The following PPP1R9A variants were observed in gnomAD, a reference collection of about 807,000 sequenced individuals.
PPP1R9A encodes the protein neurabin-1.
PPP1R9A carries 59 observed loss-of-function variants against 141.9 expected under a neutral mutation model. That is an observed-to-expected ratio of 0.42 (90% CI 0.34 to 0.52). The LOEUF (loss-of-function observed/expected upper bound fraction) is 0.52, where lower values mean the gene tolerates loss of function less well. Ranked by LOEUF, PPP1R9A falls within the 20% of genes least tolerant of loss-of-function variation. The pLI is 0.10. For synonymous variants in PPP1R9A, 500 were observed against 569.7 expected (o/e 0.88, Z 1.74); for missense variants, 1,444 against 1,611.9 (o/e 0.90, Z 1.78).
At chr7:95,254,800 T>C (rs921077964) in intron 12 of PPP1R9A, among the ~76,000 whole-genome samples, 3 of 152,182 alleles carry the variant, frequency 2.0e-5, no homozygotes, top group Non-Finnish European at 4.4e-5. Context: ...ACTCTTAATA[T>C]TGAATTATAA....
chr7:95,078,936 G>A (rs1419230918), intron 2 of PPP1R9A, among the ~76,000 whole-genome samples: 12 of 152,090 alleles, frequency 7.9e-5, no homozygotes, highest in African/African-American at 2.9e-4. Flanking sequence ...TAGGTTGCCT[G>A]TTCACTCTGA....
Position 95,072,905 on chromosome 7 carries a change from T to A in PPP1R9A, c.1396-38354T>A, listed in dbSNP as rs1814180313. ...TATAATATACCATATATAGCATATA[T>A]GTGCAATATATATTATATATTGCAT... On this transcript the variant is annotated intron_variant, in intron 2 of 19. Coordinates refer to ENST00000433360, the MANE Select transcript of PPP1R9A (RefSeq NM_001166160.2). Among the ~76,000 whole-genome samples the A allele has an allele frequency of 4.1e-5, 5 of 121,682 alleles. No individual in the cohort carries two copies. In the South Asian group the frequency reaches 1.1e-3, roughly 27 times the overall value. The allele number at this position is 121,682 out of a possible 152,430, so 79.8% of individuals were successfully genotyped here.
At chr7:95,286,077 G>T in intron 17 of PPP1R9A, 129 bp from the exon 18 acceptor site, 3 of 1,428,322 alleles carry the variant, frequency 2.1e-6, no homozygotes, top group Non-Finnish European at 2.8e-6. Flanking sequence ...CCCATTGAAG[G>T]TCATCACCAA....
At chr7:94,984,475 T>A (rs1030087116) in intron 2 of PPP1R9A, among the ~76,000 whole-genome samples, 12 of 152,168 alleles carry the variant, frequency 7.9e-5, no homozygotes, top group Non-Finnish European at 1.5e-4. Flanking sequence ...GTTTTTTTGG[T>A]TGGTAGGCTC....
At chr7:94,935,364 A>G (rs1794658141) in intron 2 of PPP1R9A, among the ~76,000 whole-genome samples, 1 of 152,176 alleles carries the variant, frequency 6.6e-6, no homozygotes, top group African/African-American at 2.4e-5. Flanking sequence ...TATGCCAAAG[A>G]TAGGTTTTAG....
chr7:95,270,024 C>T (rs1801922426), intron 14 of PPP1R9A, among the ~76,000 whole-genome samples: 1 of 152,130 alleles, frequency 6.6e-6, no homozygotes, highest in Non-Finnish European at 1.5e-5. Context: ...GGATAATCAA[C>T]CGAATGTAGT....
At chr7:95,260,471 G>C (rs887144557) in intron 12 of PPP1R9A, among the ~76,000 whole-genome samples, 1 of 152,114 alleles carries the variant, frequency 6.6e-6, no homozygotes, top group Non-Finnish European at 1.5e-5. Context: ...CTGAGGTCAG[G>C]AGTTCAAGAC....
At chr7:95,206,591 T>G (rs1790842229) in intron 7 of PPP1R9A, among the ~76,000 whole-genome samples, 2 of 152,328 alleles carry the variant, frequency 1.3e-5, no homozygotes, top group African/African-American at 2.4e-5. Flanking sequence ...TAGGGAACTT[T>G]GTAGTCACTC....
intron 4 of PPP1R9A, among the ~76,000 whole-genome samples, chr7:95,157,825 CA>C (rs1275687110): frequency 2.0e-5 from 3 of 152,122 alleles, no homozygotes; most frequent in Non-Finnish European, 4.4e-5. Flanking sequence ...CACTCTTACC[CA>C]GGGGTGCTTA....
chr7:95,138,169 T>A (rs1826020520), intron 4 of PPP1R9A, among the ~76,000 whole-genome samples: 1 of 152,122 alleles, frequency 6.6e-6, no homozygotes, highest in African/African-American at 2.4e-5. Flanking sequence ...CCTGACCTCG[T>A]GATCCGCCCG....
intron 16 of PPP1R9A, among the ~76,000 whole-genome samples, chr7:95,275,901 A>T (rs566896568): frequency 4.6e-5 from 7 of 152,320 alleles, no homozygotes; most frequent in South Asian, 4.1e-4. Context: ...TACATTGGAA[A>T]AGGGTAGAAT....
In PPP1R9A at chr7:95,295,385, G is replaced by C. The variant is rs541703059; in HGVS notation, c.*5082G>C. The C allele has an allele frequency of 1.3e-5, 2 of 152,568 alleles. No individual in the cohort carries two copies. Among genetic ancestry groups the C allele is most frequent in the Admixed American group, 1.3e-4 (2 of 15,294 alleles). The allele number at this position is 152,568 out of a possible 1,614,324, so 9.5% of individuals were successfully genotyped here. ...GTAAGAAAATTTCCTCAAATATTTG[G>C]CTAATGCTTTGATGTCAAGATTGCA... On this transcript the variant is annotated 3_prime_UTR_variant, in exon 20 of 20. Transcript: ENST00000433360.
chr7:95,009,513 C>A (rs537409980), intron 2 of PPP1R9A, among the ~76,000 whole-genome samples: 2 of 152,150 alleles, frequency 1.3e-5, no homozygotes, highest in South Asian at 2.1e-4. Flanking sequence ...TTCTCTAGAC[C>A]CATCAGAGAT....
intron 2 of PPP1R9A, among the ~76,000 whole-genome samples, chr7:95,048,419 T>C (rs1287096739): frequency 6.6e-6 from 1 of 152,212 alleles, no homozygotes; most frequent in Admixed American, 6.5e-5. Context: ...AATATTATTA[T>C]AGCAGTGTCT....
At chr7:95,114,086 G>A (rs183914489) in intron 3 of PPP1R9A, among the ~76,000 whole-genome samples, 8 of 152,124 alleles carry the variant, frequency 5.3e-5, no homozygotes, top group Admixed American at 2.0e-4. Context: ...ACTTATTTTG[G>A]TAGTAGCAAA....
intron 2 of PPP1R9A, among the ~76,000 whole-genome samples, chr7:95,080,852 T>G (rs543772608): frequency 6.6e-6 from 1 of 152,256 alleles, no homozygotes; most frequent in African/African-American, 2.4e-5. Context: ...TTATAACAGG[T>G]TCAGAGAAAG....
chr7:95,286,490 A>G (rs528957045), intron 18 of PPP1R9A, among the ~76,000 whole-genome samples, 165 bp downstream of exon 18: 18 of 152,214 alleles, frequency 1.2e-4, no homozygotes, highest in African/African-American at 4.1e-4. Context: ...CCCTTTCTCA[A>G]CAGAAAAGCA....
intron 2 of PPP1R9A, among the ~76,000 whole-genome samples, chr7:95,058,371 G>T (rs1293724172): frequency 1.3e-5 from 2 of 152,164 alleles, no homozygotes; most frequent in Non-Finnish European, 1.5e-5. Flanking sequence ...CACACAAGAA[G>T]ATGTACATCT....
intron 2 of PPP1R9A, among the ~76,000 whole-genome samples, chr7:94,938,431 A>G (rs1411497138): frequency 1.3e-5 from 2 of 152,114 alleles, no homozygotes; most frequent in African/African-American, 4.8e-5. Context: ...CCATTCAGAC[A>G]TACCTGATGC....
Sources: gnomAD v4.1 joint callset for allele counts (sites outside exome capture counted in the v4.1 genomes callset) on GRCh38, gnomAD v4.1.1 for gene constraint, MANE v1.5 for transcripts, NCBI Gene and HGNC (gene_info 2026-07-23, HGNC 2026-07-21) for gene names.